CCDC102B: variants seen among roughly 807,000 people sequenced by gnomAD.
The protein encoded by CCDC102B is coiled-coil domain containing 102B, also known as coiled-coil domain-containing protein 102B.
Under a neutral mutation model 57.4 loss-of-function variants are expected in CCDC102B, and 75 were observed. That is an observed-to-expected ratio of 1.31 (90% confidence interval 1.08 to 1.58). The LOEUF (loss-of-function observed/expected upper bound fraction) is 1.58. Among genes scored for constraint, CCDC102B ranks in the 40% most tolerant of loss-of-function variants. The probability of loss-of-function intolerance (pLI) is 0.00; values close to 1 mark genes in which losing one functional copy is unlikely to be tolerated. For synonymous variants in CCDC102B, 206 were observed against 201.9 expected, an observed-to-expected ratio of 1.02 and a Z score of -0.17; for missense variants, 636 against 582.6, an observed-to-expected ratio of 1.09 and a Z score of -0.94.
chr18:68,954,356 G>A (rs1223897630), intron 6 of CCDC102B, among the ~76,000 whole-genome samples: 1 of 152,146 alleles, frequency 6.6e-6, no homozygotes, highest in Non-Finnish European at 1.5e-5. Context: ...AGAGGCAGAG[G>A]TTGTAGTGAG....
chr18:68,846,488 A>G, intron 4 of CCDC102B, 67 bp downstream of exon 4: 1 of 1,038,796 alleles, frequency 9.6e-7, no homozygotes, highest in South Asian at 1.6e-5. Flanking sequence ...ATATGTAAGC[A>G]TGTGGGCAGA....
chr18:68,914,721 T>C (rs1003201237), intron 6 of CCDC102B, among the ~76,000 whole-genome samples: 1 of 152,218 alleles, frequency 6.6e-6, no homozygotes, highest in African/African-American at 2.4e-5. Flanking sequence ...TATGAGTCTT[T>C]CTTAAATGTG....
At chr18:69,055,482 C>T (rs1599913693), downstream of CCDC102B, among the ~76,000 whole-genome samples, 1 of 152,056 alleles carries the variant, frequency 6.6e-6, no homozygotes, top group Non-Finnish European at 1.5e-5. Flanking sequence ...TCCTCTATCC[C>T]ATCATATCCC....
intron 2 of CCDC102B, 192 bp from the exon 3 acceptor site, chr18:68,838,514 A>G (rs2037484469): frequency 2.0e-6 from 2 of 985,226 alleles, no homozygotes; most frequent in Admixed American, 6.1e-5. Flanking sequence ...ATGAGAAAGT[A>G]GAACATAGAA....
At chr18:68,978,882 A>G (rs961898891) in intron 6 of CCDC102B, among the ~76,000 whole-genome samples, 22 of 152,110 alleles carry the variant, frequency 1.4e-4, no homozygotes, top group African/African-American at 5.3e-4. Context: ...TATGTCTAGG[A>G]TGGAAAGCTA....
intron 1 of CCDC102B, among the ~76,000 whole-genome samples, chr18:68,823,176 G>C (rs2036763477): frequency 6.6e-6 from 1 of 152,182 alleles, no homozygotes; most frequent in African/African-American, 2.4e-5. Context: ...TAACCAATTG[G>C]AGGCCTCTAA....
chr18:68,868,790 A>G (rs114440683), intron 4 of CCDC102B, among the ~76,000 whole-genome samples: 1,777 of 152,296 alleles, frequency 0.012, 38 homozygotes, highest in African/African-American at 0.04. Context: ...TATGATCACA[A>G]TTTCAAAAAA....
chr18:68,799,123 A>G (rs1240200337), intron 1 of CCDC102B, among the ~76,000 whole-genome samples: 5 of 152,094 alleles, frequency 3.3e-5, no homozygotes, highest in African/African-American at 9.6e-5. Context: ...TTCTCTTGTT[A>G]GTAAAATATG....
At chr18:69,009,478 G>A (rs2051441344) in intron 6 of CCDC102B, among the ~76,000 whole-genome samples, 1 of 152,018 alleles carries the variant, frequency 6.6e-6, no homozygotes. Context: ...TCGAATTGAT[G>A]TGCCTCTAAT....
chr18:68,894,827 T>TA (rs1254948986), intron 5 of CCDC102B, among the ~76,000 whole-genome samples: 1 of 151,676 alleles, frequency 6.6e-6, no homozygotes, highest in Non-Finnish European at 1.5e-5. Flanking sequence ...AATCATTACT[T>TA]AAAAAAAATC....
At chr18:68,749,260 C>T (rs1457233232) in intron 2 of CCDC102B, among the ~76,000 whole-genome samples, 2 of 152,110 alleles carry the variant, frequency 1.3e-5, no homozygotes, top group African/African-American at 4.8e-5. Flanking sequence ...GCAATGTGGG[C>T]TCTTTTTTGG....
intron 1 of CCDC102B, among the ~76,000 whole-genome samples, chr18:68,808,121 A>G (rs551569652): frequency 1.3e-5 from 2 of 152,188 alleles, no homozygotes; most frequent in Non-Finnish European, 2.9e-5. Flanking sequence ...GGATCTCACT[A>G]TTATAAGAAG....
At chr18:68,796,047 A>G (rs1380438474), upstream of CCDC102B, among the ~76,000 whole-genome samples, 1 of 152,164 alleles carries the variant, frequency 6.6e-6, no homozygotes, top group Non-Finnish European at 1.5e-5. Context: ...AAGGGAGTTG[A>G]CAAAAAGATT....
intron 6 of CCDC102B, among the ~76,000 whole-genome samples, chr18:68,982,434 A>G (rs761006403): frequency 7.2e-5 from 11 of 151,952 alleles, no homozygotes; most frequent in Non-Finnish European, 1.2e-4. Flanking sequence ...GATTCCACAA[A>G]TATGATAATT....
At chr18:68,980,025 G>C (rs1272673306) in intron 6 of CCDC102B, among the ~76,000 whole-genome samples, 1 of 151,984 alleles carries the variant, frequency 6.6e-6, no homozygotes, top group African/African-American at 2.4e-5. Context: ...TCAAGAATCA[G>C]CTGTGGCTAA....
chr18:68,929,629 A>G (rs1181693325), intron 6 of CCDC102B, among the ~76,000 whole-genome samples: 1 of 151,946 alleles, frequency 6.6e-6, no homozygotes, highest in Admixed American at 6.6e-5. Context: ...CAGTCATTTC[A>G]GTGACTTAAT....
At chr18:68,743,471 C>A (rs1220219023) in intron 2 of CCDC102B, among the ~76,000 whole-genome samples, 1 of 152,168 alleles carries the variant, frequency 6.6e-6, no homozygotes, top group East Asian at 1.9e-4. Flanking sequence ...GTCTTGAGAT[C>A]TCTGAAGCTT....
intron 5 of CCDC102B, among the ~76,000 whole-genome samples, chr18:68,879,301 C>T (rs1470572376): frequency 6.6e-6 from 1 of 152,046 alleles, no homozygotes; most frequent in Non-Finnish European, 1.5e-5. Context: ...CAGTGTAGAC[C>T]CAAAGAGTGA....
At chr18:69,032,887 CAA>C (rs1481316393) in intron 7 of CCDC102B, among the ~76,000 whole-genome samples, 5 of 151,344 alleles carry the variant, frequency 3.3e-5, no homozygotes, top group African/African-American at 1.2e-4. Flanking sequence ...ATTTAGCAGA[CAA>C]GAGAAGAAAA....
Sources: allele counts gnomAD v4.1 joint callset (sites outside exome capture counted in the v4.1 genomes callset), GRCh38; gene constraint gnomAD v4.1.1; transcripts MANE v1.5; gene names NCBI Gene and HGNC (gene_info 2026-07-23, HGNC 2026-07-21).